CADPS: variants seen among roughly 807,000 people sequenced by gnomAD.
The protein encoded by CADPS is calcium dependent secretion activator, also known as calcium-dependent secretion activator 1.
CADPS carries 57 observed loss-of-function variants against 167.3 expected under a neutral mutation model. That is an observed-to-expected ratio of 0.34 (90% CI 0.28 to 0.42). The LOEUF (loss-of-function observed/expected upper bound fraction) is 0.42. Among genes scored for constraint, CADPS ranks in the 20% least tolerant of loss-of-function variants. The pLI, the probability that CADPS is intolerant of heterozygous loss-of-function variation, is 1.00. For missense variants in CADPS, 1,414 were observed against 1,738.1 expected (o/e 0.81, Z 3.32); for synonymous variants, 676 against 635.3 (o/e 1.06, Z -0.96).
intron 26 of CADPS, among the ~76,000 whole-genome samples, chr3:62,448,066 A>T (rs1310128069): frequency 6.6e-6 from 1 of 152,202 alleles, no homozygotes; most frequent in Non-Finnish European, 1.5e-5. Flanking sequence ...TTTGCTCATG[A>T]TCACAGACAG....
intron 1 of CADPS, among the ~76,000 whole-genome samples, chr3:62,800,922 C>A (rs1240989382): frequency 6.6e-6 from 1 of 152,122 alleles, no homozygotes; most frequent in Admixed American, 6.6e-5. Context: ...TATTTTTATA[C>A]AAAACCCTTA....
chr3:62,695,253 G>A (rs958197348), intron 3 of CADPS, among the ~76,000 whole-genome samples: 3 of 152,032 alleles, frequency 2.0e-5, no homozygotes, highest in Non-Finnish European at 4.4e-5. Context: ...CATCTTACAA[G>A]GAGAAGACAG....
chr3:62,846,094 G>GT (rs2077388518), intron 1 of CADPS, among the ~76,000 whole-genome samples: 1 of 151,310 alleles, frequency 6.6e-6, no homozygotes, highest in African/African-American at 2.4e-5. Context: ...CTGCCACCAT[G>GT]TGAAGACATT....
chr3:62,849,121 G>T (rs1190623221), intron 1 of CADPS, among the ~76,000 whole-genome samples: 1 of 151,516 alleles, frequency 6.6e-6, no homozygotes, highest in Non-Finnish European at 1.5e-5. Context: ...TCTGTACATT[G>T]ATTTTGTATC....
At chr3:62,823,405 T>C (rs1263329810) in intron 1 of CADPS, among the ~76,000 whole-genome samples, 1 of 152,210 alleles carries the variant, frequency 6.6e-6, no homozygotes, top group Non-Finnish European at 1.5e-5. Context: ...TCCAAAGTTT[T>C]TCCTCATTGA....
chr3:62,599,852 A>ATATAATATATTTT (rs2059662147), intron 6 of CADPS, among the ~76,000 whole-genome samples: 2 of 42,554 alleles, frequency 4.7e-5, no homozygotes, highest in African/African-American at 2.0e-4. Flanking sequence ...ATATATATAT[A>ATATAATATATTTT]ATATATATAA....
At position 62,438,524 on chromosome 3, in the gene CADPS, T is replaced by C; in HGVS notation, c.3670-313A>G. The stretch of plus-strand genomic sequence containing the variant: ...AAATCTTTACTGCATAACCCATAGA[T>C]GTTCTCTGACTTTGCCTTGGATTGA... On this transcript the variant is annotated intron_variant, in intron 27 of 29. Transcript: ENST00000383710. The surrounding 1 kb of genome is among the most constrained non-coding windows in gnomAD (Gnocchi z 4.7). The C allele has an allele frequency of 3.8e-6, 1 of 266,088 alleles. No individual in the cohort carries two copies. The highest frequency in any genetic ancestry group is 7.2e-6 in the Non-Finnish European group (1 of 138,990). 16.5% of individuals were successfully genotyped at this position (266,088 alleles called of 1,614,324 possible). A position where few individuals can be genotyped will look rare whatever the true frequency, so the allele number is the denominator to read the frequency against.
intron 3 of CADPS, among the ~76,000 whole-genome samples, chr3:62,746,530 G>A (rs1160548567): frequency 1.3e-5 from 2 of 152,108 alleles, no homozygotes; most frequent in Non-Finnish European, 2.9e-5. Context: ...TAGAGATAGA[G>A]TCTCCCTATG....
At chr3:62,596,342 C>G (rs1485735879) in intron 6 of CADPS, among the ~76,000 whole-genome samples, 1 of 151,836 alleles carries the variant, frequency 6.6e-6, no homozygotes, top group Non-Finnish European at 1.5e-5. Context: ...ATTACAGGTG[C>G]CCGCCACCGT....
intron 3 of CADPS, among the ~76,000 whole-genome samples, chr3:62,663,783 G>A (rs1190008705): frequency 6.6e-6 from 1 of 151,986 alleles, no homozygotes; most frequent in Non-Finnish European, 1.5e-5. Flanking sequence ...AATCCATCTG[G>A]CTTTATGCTG....
At chr3:62,475,861 A>G (rs1312474781) in intron 23 of CADPS, among the ~76,000 whole-genome samples, 1 of 152,144 alleles carries the variant, frequency 6.6e-6, no homozygotes, top group Non-Finnish European at 1.5e-5. Flanking sequence ...AATTTGAGAA[A>G]TGGAAATGCT....
chr3:62,589,704 C>T (rs1475328598), intron 7 of CADPS, among the ~76,000 whole-genome samples: 1 of 152,158 alleles, frequency 6.6e-6, no homozygotes, highest in Non-Finnish European at 1.5e-5. Flanking sequence ...TGCATGGGTC[C>T]CTGACTGGCT....
chr3:62,760,124 T>C (rs2085033771), intron 2 of CADPS, among the ~76,000 whole-genome samples: 2 of 152,132 alleles, frequency 1.3e-5, no homozygotes, highest in Admixed American at 1.3e-4. Flanking sequence ...GAATTGATTC[T>C]ATCAACTTTC....
intron 17 of CADPS, among the ~76,000 whole-genome samples, chr3:62,502,240 A>G (rs934156765): frequency 2.0e-5 from 3 of 152,174 alleles, no homozygotes; most frequent in Admixed American, 6.5e-5. Context: ...ATATTGTGCA[A>G]AATCCTTTAG....
chr3:62,425,899 T>C (rs1173579485), intron 28 of CADPS, among the ~76,000 whole-genome samples: 3 of 152,024 alleles, frequency 2.0e-5, no homozygotes, highest in Non-Finnish European at 4.4e-5. Flanking sequence ...TGGACATCTG[T>C]AGATTAAGCC....
rs1170748126 is a variant in CADPS, at chr3:62,458,082, T to TA, written c.3636+7284dup. ...GTATCCCAGAACTTGAAGTATAATT[T>TA]AAAAAAAAATTTTTAAAAAAGCACC... On this transcript the variant is annotated intron_variant, in intron 26 of 29. Transcript: ENST00000383710. The surrounding 1 kb of genome is among the most constrained non-coding windows in gnomAD (Gnocchi z 4.6). Among the ~76,000 whole-genome samples the TA allele has an allele frequency of 3.3e-5, 5 of 152,000 alleles. No individual in the cohort carries two copies. Among genetic ancestry groups the TA allele is most frequent in the Non-Finnish European group, 7.4e-5 (5 of 67,986 alleles).
intron 3 of CADPS, among the ~76,000 whole-genome samples, chr3:62,729,201 G>T (rs1267233352): frequency 6.6e-6 from 1 of 151,734 alleles, no homozygotes; most frequent in African/African-American, 2.4e-5. Flanking sequence ...AAATTGATGC[G>T]GAGCCATTGC....
At chr3:62,773,659 G>A (rs2089510282) in intron 1 of CADPS, among the ~76,000 whole-genome samples, 1 of 151,912 alleles carries the variant, frequency 6.6e-6, no homozygotes, top group African/African-American at 2.4e-5. Context: ...TTTCTTCTAA[G>A]CAATAATATC....
At chr3:62,556,097 A>G (rs2078099280) in intron 10 of CADPS, among the ~76,000 whole-genome samples, 1 of 152,174 alleles carries the variant, frequency 6.6e-6, no homozygotes, top group Non-Finnish European at 1.5e-5. Context: ...TTTGAAGGAT[A>G]CACAATGGCT....
Sources: gnomAD v4.1 joint callset for allele counts (sites outside exome capture counted in the v4.1 genomes callset) on GRCh38, gnomAD v4.1.1 for gene constraint, Gnocchi (gnomAD v3.1) non-coding constraint, MANE v1.5 for transcripts, NCBI Gene and HGNC (gene_info 2026-07-23, HGNC 2026-07-21) for gene names.